The following SULT1C4 variants were observed in gnomAD, a reference collection of about 807,000 sequenced individuals.
SULT1C4 encodes sulfotransferase 1C4.
Under a neutral mutation model 34.8 loss-of-function variants are expected in SULT1C4, and 32 were observed. That is an observed-to-expected ratio of 0.92 (90% confidence interval 0.69 to 1.23). The LOEUF (loss-of-function observed/expected upper bound fraction) is 1.23, where lower values mean the gene tolerates loss of function less well. SULT1C4 is among the 50% of genes most tolerant of loss of function. The pLI is 0.00. For synonymous variants in SULT1C4, 111 were observed against 120.5 expected, an observed-to-expected ratio of 0.92 and a Z score of 0.51; for missense variants, 375 against 365.9, an observed-to-expected ratio of 1.02 and a Z score of -0.20.
At chr2:108,380,225 C>T (rs1352308507) in intron 1 of SULT1C4, among the ~76,000 whole-genome samples, 1 of 152,166 alleles carries the variant, frequency 6.6e-6, no homozygotes, top group Non-Finnish European at 1.5e-5. Flanking sequence ...ATTCAGAAAG[C>T]CATCCTGGCT....
At chr2:108,382,215 C>T in intron 2 of SULT1C4, 170 bp from the exon 3 acceptor site, 1 of 656,152 alleles carries the variant, frequency 1.5e-6, no homozygotes, top group South Asian at 2.0e-5. Context: ...AGGAATTGTT[C>T]TAGTCAAAAC....
At chr2:108,383,053 T>A (rs370945381) in intron 3 of SULT1C4, 40 bp from the exon 4 acceptor site, 1 of 1,528,942 alleles carries the variant, frequency 6.5e-7, no homozygotes. Flanking sequence ...AAATTCCTGT[T>A]TTTTTGCTTC....
In SULT1C4 at chr2:108,382,354, C is replaced by T. The variant is rs746653855; in HGVS notation, c.296-31C>T. The T allele has an allele frequency of 1.2e-5, 19 of 1,541,398 alleles. No homozygotes were observed. The East Asian group carries it at 1.6e-4, about 13-fold the overall frequency. On this transcript the variant is annotated intron_variant, in intron 2 of 6. Coordinates refer to ENST00000272452, the MANE Select transcript of SULT1C4 (RefSeq NM_006588.4). ...GGAAGCAAATAGATAAAAAAAAAAT[C>T]GTAGAAATTGATCGAAAACCAGTTT...
chr2:108,382,963 C>A, intron 3 of SULT1C4, 130 bp from the exon 4 acceptor site: 2 of 786,292 alleles, frequency 2.5e-6, no homozygotes, highest in Admixed American at 3.6e-5. Context: ...AAGAATGCAG[C>A]CTCAGAAAAA....
chr2:108,385,772 C>T (rs1678552111), intron 5 of SULT1C4, among the ~76,000 whole-genome samples: 1 of 152,226 alleles, frequency 6.6e-6, no homozygotes, highest in South Asian at 2.1e-4. Context: ...CTCCTGCCAT[C>T]ACTGCAGTCT....
chr2:108,383,400 C>G lies in SULT1C4; in HGVS notation c.521-16C>G. On this transcript the variant is annotated splice_polypyrimidine_tract_variant and intron_variant, in intron 4 of 6. Coordinates refer to ENST00000272452, the MANE Select transcript of SULT1C4 (RefSeq NM_006588.4). ...CCTCTGTGACTCATTGTCCTGTTTTCCATCCCATCCTCCAGTGTGCTGGGG... is the reference window on the plus strand; with the variant it reads ...CCTCTGTGACTCATTGTCCTGTTTTGCATCCCATCCTCCAGTGTGCTGGGG... The G allele has an allele frequency of 6.2e-7, 1 of 1,612,736 alleles. No homozygotes were observed. The highest frequency in any genetic ancestry group is 8.5e-7 in the Non-Finnish European group (1 of 1,179,268).
chr2:108,385,327 T>C (rs959046491), intron 5 of SULT1C4, among the ~76,000 whole-genome samples: 6 of 152,202 alleles, frequency 3.9e-5, no homozygotes, highest in African/African-American at 1.4e-4. Flanking sequence ...AGGAAGAAAC[T>C]TTATCGAAAT....
rs1678404424 is a variant in SULT1C4 at position 108,381,786 on chromosome 2, T to G, written c.194T>G (p.Val65Gly). ...KAGTTWTQEIVELIQNEGDVE... is the reference protein window; with the variant it reads ...KAGTTWTQEIGELIQNEGDVE... ...GGAACAACATGGACTCAGGAGATAG[T>G]GGAATTAATACAAAATGAAGGTGAT... The change falls in exon 2 of 7, where the codon GTG (valine) becomes GGG (glycine). Residue 65 changes from valine (V) to glycine (G), a missense_variant. Val to Gly is a moderately radical substitution (Grantham distance 109, BLOSUM62 -3). Transcript: ENST00000272452. 2.8e-6 allele frequency: 4 copies of G among 1,439,500 alleles called. No homozygotes were observed. The highest frequency in any genetic ancestry group is 3.7e-6 in the Non-Finnish European group (4 of 1,094,030). The allele number at this position is 1,439,500 out of a possible 1,614,324, so 89.2% of individuals were successfully genotyped here. A position where few individuals can be genotyped will look rare whatever the true frequency, so the allele number is the denominator to read the frequency against.
chr2:108,381,189 C>A (rs1034017205), intron 1 of SULT1C4, among the ~76,000 whole-genome samples: 5 of 151,988 alleles, frequency 3.3e-5, no homozygotes, highest in Non-Finnish European at 5.9e-5. Flanking sequence ...TAATAACAAT[C>A]CAAATTAATA....
chr2:108,384,174 G>T (rs1678507638), intron 5 of SULT1C4, among the ~76,000 whole-genome samples: 1 of 151,346 alleles, frequency 6.6e-6, no homozygotes, highest in South Asian at 2.1e-4. Flanking sequence ...CAGAGTTTTT[G>T]TTTTTTTATT....
intron 3 of SULT1C4, 60 bp downstream of exon 3, chr2:108,382,542 C>A (rs1678437979): frequency 8.3e-7 from 1 of 1,208,720 alleles, no homozygotes; most frequent in Non-Finnish European, 1.2e-6. Context: ...TCTTCCATTT[C>A]CTCTTAAAAC....
At chr2:108,381,699 A>G in intron 1 of SULT1C4, 63 bp from the exon 2 acceptor site, 1 of 1,315,976 alleles carries the variant, frequency 7.6e-7, no homozygotes, top group Non-Finnish European at 9.8e-7. Context: ...CAAGTATTTG[A>G]TCATATTTTA....
At chr2:108,378,924 A>G (rs1678318371) in intron 1 of SULT1C4, among the ~76,000 whole-genome samples, 1 of 152,188 alleles carries the variant, frequency 6.6e-6, no homozygotes, top group African/African-American at 2.4e-5. Flanking sequence ...TGCAATGCTG[A>G]TATCACCTCA....
In SULT1C4 at chr2:108,387,360, G is replaced by GA; in HGVS notation, c.839dup (p.Asn280LysfsTer2). 2 of 1,613,852 alleles carry GA rather than the reference G, an allele frequency of 1.2e-6. No homozygotes were observed. Among genetic ancestry groups the GA allele is most frequent in the Non-Finnish European group, 1.7e-6 (2 of 1,179,908 alleles). On this transcript the variant is annotated frameshift_variant, in exon 7 of 7. Coordinates refer to ENST00000272452, the MANE Select transcript of SULT1C4 (RefSeq NM_006588.4). LOFTEE classifies it low-confidence loss of function (END_TRUNC). ...GGAAGAAACACTTCACCGTGGCTCA[G>GA]AATGAGAGATTTGATGAAGATTACA...
chr2:108,383,416 T>C lies in SULT1C4; in HGVS notation c.521T>C (p.Val174Ala). The C allele has an allele frequency of 1.2e-6, 2 of 1,613,902 alleles. No homozygotes were observed. The highest frequency in any genetic ancestry group is 1.7e-6 in the Non-Finnish European group (2 of 1,179,882). Residue 174 changes from valine to alanine, a missense_variant and splice_region_variant, in exon 5 of 7, where the codon GTG becomes GCG. By Grantham distance (64) the Val-to-Ala change is moderately conservative (BLOSUM62 0). Transcript: ENST00000272452. ...TCCTGTTTTCCATCCCATCCTCCAG[T>C]GTGCTGGGGCTCCTGGCATGAACAT... ...EYFETFLAGK[V>A]CWGSWHEHVK...
In SULT1C4 at chr2:108,383,231, T is replaced by G. The variant is rs1194858685; in HGVS notation, c.520+12T>G. 6.2e-7 allele frequency: 1 copy of G among 1,606,720 alleles called. No individual in the cohort carries two copies. Among genetic ancestry groups the G allele is most frequent in the Middle Eastern group, 1.7e-4 (1 of 6,060 alleles). On this transcript the variant is annotated intron_variant, in intron 4 of 6. Transcript: ENST00000272452. Reference sequence around the variant, plus strand: ...TCTGGCTGGGAAAGGTGAGAGAATTTAGCTTTGTTTCCCTTCGTTTCTCAA... The same window carrying G: ...TCTGGCTGGGAAAGGTGAGAGAATTGAGCTTTGTTTCCCTTCGTTTCTCAA...
At chr2:108,378,907 T>G (rs1321819922) in intron 1 of SULT1C4, among the ~76,000 whole-genome samples, 1 of 152,094 alleles carries the variant, frequency 6.6e-6, no homozygotes, top group Non-Finnish European at 1.5e-5. Flanking sequence ...TAGGGGAGCT[T>G]TGGTTCTGCA....
rs1301624594 is a variant in SULT1C4, at chr2:108,388,422, C to T, written c.*990C>T. On this transcript the variant is annotated 3_prime_UTR_variant, in exon 7 of 7. Coordinates refer to ENST00000272452, the MANE Select transcript of SULT1C4 (RefSeq NM_006588.4). ...TCTACGAAATCTCTTAAAATATTTC[C>T]GTCTAACCATTCCTTGTTTTCCTTC... is the stretch of plus-strand genomic sequence containing the variant. Among the ~76,000 whole-genome samples the T allele has an allele frequency of 2.0e-5, 3 of 152,112 alleles. No homozygotes were observed. Among genetic ancestry groups the T allele is most frequent in the African/African-American group, 7.2e-5 (3 of 41,430 alleles).
intron 5 of SULT1C4, among the ~76,000 whole-genome samples, chr2:108,385,368 T>TG (rs1483935978): frequency 3.9e-5 from 6 of 152,172 alleles, no homozygotes; most frequent in African/African-American, 1.4e-4. Flanking sequence ...CCCTAAAACT[T>TG]TTAAAAATAT....
Sources: gnomAD v4.1 joint callset for allele counts (sites outside exome capture counted in the v4.1 genomes callset) on GRCh38, gnomAD v4.1.1 for gene constraint, MANE v1.5 for transcripts, NCBI Gene and HGNC (gene_info 2026-07-23, HGNC 2026-07-21) for gene names.